The following RGL1 variants were observed in gnomAD, a reference collection of about 807,000 sequenced individuals.
RGL1 encodes the protein ral guanine nucleotide dissociation stimulator-like 1.
In RGL1, 24 loss-of-function variants were observed where a neutral mutation model predicts 95.2. The observed-to-expected ratio is 0.25, with a 90% CI of 0.18 to 0.35. RGL1 has a LOEUF of 0.35. RGL1 is among the 10% of genes least tolerant of loss of function. The pLI, the probability that RGL1 is intolerant of heterozygous loss-of-function variation, is 1.00. For synonymous variants in RGL1, 329 were observed against 344.9 expected, an observed-to-expected ratio of 0.95 and a Z score of 0.51; for missense variants, 715 against 936.3, an observed-to-expected ratio of 0.76 and a Z score of 3.08.
upstream of RGL1, among the ~76,000 whole-genome samples, chr1:183,803,940 T>C (rs3814326): frequency 0.24 from 37,207 of 152,012 alleles, 5,416 homozygotes; most frequent in Middle Eastern, 0.35. Context: ...TTCAGCTTGC[T>C]AAAAGGGCAT....
intron 1 of RGL1, among the ~76,000 whole-genome samples, 188 bp downstream of exon 1, chr1:183,805,512 T>C (rs941926230): frequency 9.2e-5 from 14 of 152,212 alleles, no homozygotes; most frequent in African/African-American, 3.4e-4. Flanking sequence ...CAACCGTACC[T>C]ACTTTCTCAG....
At chr1:183,683,934 T>C (rs1211815648) in intron 1 of RGL1, among the ~76,000 whole-genome samples, 2 of 152,152 alleles carry the variant, frequency 1.3e-5, no homozygotes, top group African/African-American at 4.8e-5. Context: ...CTCTCTGATA[T>C]CCTTTCTTCC....
upstream of RGL1, among the ~76,000 whole-genome samples, chr1:183,802,286 A>T (rs1421332887): frequency 1.3e-5 from 2 of 152,058 alleles, no homozygotes; most frequent in Non-Finnish European, 2.9e-5. Context: ...GTTCTGTTCC[A>T]TTGATCTGTG....
At position 183,724,250 on chromosome 1, in the gene RGL1, T is replaced by A. The variant is rs1010896370; in HGVS notation, c.-32-17876T>A. On this transcript the variant is annotated intron_variant, in intron 1 of 18. Coordinates refer to the RGL1 transcript ENST00000304685. The surrounding 1 kb of genome is among the most constrained non-coding windows in gnomAD (Gnocchi z 4.1). ...AGCACATTCCCAGCTGTGGTGGCTA[T>A]GAGGAGAGACTGTTTCTGCTTGAGA... 6.6e-6 allele frequency among the ~76,000 whole-genome samples: 1 copy of A among 151,904 alleles called. No homozygotes were observed. The highest frequency in any genetic ancestry group is 2.4e-5 in the African/African-American group (1 of 41,322).
intron 16 of RGL1, among the ~76,000 whole-genome samples, 155 bp from the exon 17 acceptor site, chr1:183,922,067 C>G (rs1171400562): frequency 6.6e-6 from 1 of 152,184 alleles, no homozygotes; most frequent in Non-Finnish European, 1.5e-5. Flanking sequence ...GACTAGAAAC[C>G]AGGGATCCTG....
chr1:183,861,407 A>G (rs986887787), intron 3 of RGL1, among the ~76,000 whole-genome samples: 1 of 152,208 alleles, frequency 6.6e-6, no homozygotes, highest in Admixed American at 6.5e-5. Context: ...TCAAACACAT[A>G]TAAAACACTT....
chr1:183,897,778 A>T, intron 9 of RGL1, 30 bp from the exon 10 acceptor site: 3 of 1,541,374 alleles, frequency 1.9e-6, no homozygotes, highest in Non-Finnish European at 2.7e-6. Context: ...TCCTGTATCA[A>T]TTCCCTCTGT....
intron 1 of RGL1, among the ~76,000 whole-genome samples, chr1:183,690,546 G>C (rs1237005652): frequency 6.6e-6 from 1 of 152,120 alleles, no homozygotes; most frequent in Non-Finnish European, 1.5e-5. Context: ...CTAACATGCT[G>C]TATCTTTAGC....
intron 1 of RGL1, among the ~76,000 whole-genome samples, chr1:183,681,339 G>A (rs12071202): frequency 3.3e-5 from 5 of 152,108 alleles, no homozygotes; most frequent in Non-Finnish European, 7.4e-5. Flanking sequence ...ATTATTTTGA[G>A]ATACATTCAA....
At chr1:183,715,190 A>T (rs1283741073) in intron 1 of RGL1, among the ~76,000 whole-genome samples, 1 of 152,206 alleles carries the variant, frequency 6.6e-6, no homozygotes, top group Non-Finnish European at 1.5e-5. Flanking sequence ...TCTGAGCCTC[A>T]TTGAAAAGAA....
rs545823597 is a variant in RGL1, at chr1:183,897,430, T to A, written c.1141-378T>A. Among the ~76,000 whole-genome samples, 243 of 152,102 alleles carry A rather than the reference T, an allele frequency of 1.6e-3. 1 individual carries two copies. Among genetic ancestry groups the A allele is most frequent in the African/African-American group, 5.5e-3 (228 of 41,506 alleles). Reference sequence around the variant, plus strand: ...GCCAGGTGGTGGCGCATTCCTCTAATCCCAGCTACTCGGGAGGCTGAGGCA... The same window carrying A: ...GCCAGGTGGTGGCGCATTCCTCTAAACCCAGCTACTCGGGAGGCTGAGGCA... On this transcript the variant is annotated intron_variant, in intron 9 of 17. Coordinates refer to ENST00000360851, the MANE Select transcript of RGL1 (RefSeq NM_001297671.3).
In RGL1 at chr1:183,926,297, A is replaced by AG; in HGVS notation, c.*8dup. The AG allele has an allele frequency of 6.2e-7, 1 of 1,603,178 alleles. No homozygotes were observed. Among genetic ancestry groups the AG allele is most frequent in the Non-Finnish European group, 8.5e-7 (1 of 1,172,960 alleles). On this transcript the variant is annotated 3_prime_UTR_variant, in exon 18 of 18. Coordinates refer to ENST00000360851, the MANE Select transcript of RGL1 (RefSeq NM_001297671.3). ...CACAGCAAAATCACCCTCTGAAGGG[A>AG]GGGACCAGTGGCCCCTTGTTTGCCA...
intron 1 of RGL1, among the ~76,000 whole-genome samples, chr1:183,671,286 C>T (rs748476453): frequency 2.6e-5 from 4 of 151,574 alleles, no homozygotes; most frequent in Non-Finnish European, 4.4e-5. Context: ...TGAAAAAAGC[C>T]ACTCTGAACA....
intron 2 of RGL1, among the ~76,000 whole-genome samples, chr1:183,845,943 G>A (rs1354408331): frequency 6.6e-6 from 1 of 152,132 alleles, no homozygotes; most frequent in East Asian, 1.9e-4. Context: ...TCTCTAGGTT[G>A]CCTGTTCACT....
intron 2 of RGL1, among the ~76,000 whole-genome samples, chr1:183,756,750 GTCT>G (rs1387982930): frequency 1.3e-5 from 2 of 152,044 alleles, no homozygotes; most frequent in South Asian, 2.1e-4. Context: ...AGGCCTCTTA[GTCT>G]TCTTCTTTTT....
chr1:183,906,728 T>C (rs1162843883), intron 13 of RGL1, among the ~76,000 whole-genome samples: 2 of 152,168 alleles, frequency 1.3e-5, no homozygotes, highest in African/African-American at 4.8e-5. Flanking sequence ...AGTTAGTTTT[T>C]GATGCTGCCA....
At chr1:183,778,672 T>C (rs1435338545) in intron 2 of RGL1, among the ~76,000 whole-genome samples, 1 of 152,144 alleles carries the variant, frequency 6.6e-6, no homozygotes, top group Admixed American at 6.5e-5. Flanking sequence ...GGGTCTGGAT[T>C]CTATATTCCA....
chr1:183,677,433 A>G (rs1055628562), intron 1 of RGL1, among the ~76,000 whole-genome samples: 7 of 151,970 alleles, frequency 4.6e-5, no homozygotes, highest in African/African-American at 1.7e-4. Context: ...CTTGGGCCCA[A>G]TTACCTGGGT....
In RGL1 at chr1:183,863,448, C is replaced by T. The variant is rs1665641030; in HGVS notation, c.348-2548C>T. ...CCTCTTGAGTAGCTGGGATTGCAGA[C>T]ATGTGCCACCATGCTTGGCTTTTTA... On this transcript the variant is annotated intron_variant, in intron 3 of 17. Coordinates refer to ENST00000360851, the MANE Select transcript of RGL1 (RefSeq NM_001297671.3). Among the ~76,000 whole-genome samples the T allele has an allele frequency of 1.3e-5, 2 of 152,166 alleles. 1 individual carries two copies. The highest frequency in any genetic ancestry group is 4.2e-4 in the South Asian group (2 of 4,808).
Sources: gnomAD v4.1 joint callset for allele counts (sites outside exome capture counted in the v4.1 genomes callset) on GRCh38, gnomAD v4.1.1 for gene constraint, Gnocchi (gnomAD v3.1) non-coding constraint, MANE v1.5 for transcripts, NCBI Gene and HGNC (gene_info 2026-07-23, HGNC 2026-07-21) for gene names.